KCTD16: variants seen among roughly 807,000 people sequenced by gnomAD.
KCTD16 encodes the protein BTB/POZ domain-containing protein KCTD16.
A neutral mutation model predicts 33.2 loss-of-function variants in KCTD16; 13 were observed. That is an observed-to-expected ratio of 0.39 (90% CI 0.25 to 0.62). The LOEUF (loss-of-function observed/expected upper bound fraction) is 0.62, where lower values mean the gene tolerates loss of function less well. KCTD16 is among the 20% of genes least tolerant of loss of function. The pLI, the probability that KCTD16 is intolerant of heterozygous loss-of-function variation, is 0.50. For missense variants in KCTD16, 441 were observed against 525.1 expected (o/e 0.84, Z 1.57); for synonymous variants, 197 against 195.3 (o/e 1.01, Z -0.07).
intron 3 of KCTD16, among the ~76,000 whole-genome samples, chr5:144,288,424 T>C (rs546105586): frequency 3.3e-5 from 5 of 152,206 alleles, no homozygotes; most frequent in Non-Finnish European, 7.4e-5. Flanking sequence ...CTGGGGAGCA[T>C]TGGACAAATG....
At position 144,474,864 on chromosome 5, in the gene KCTD16, G is replaced by C. The variant is rs1754561023; in HGVS notation, c.*750G>C. ...AAATGACTCTCATCATCAACAAATTGTATTCCTTATTGTGAAATTAATACC... is the reference window on the plus strand; with the variant it reads ...AAATGACTCTCATCATCAACAAATTCTATTCCTTATTGTGAAATTAATACC... On this transcript the variant is annotated 3_prime_UTR_variant, in exon 4 of 4. Transcript: ENST00000512467. 3 of 152,104 alleles carry C rather than the reference G, an allele frequency of 2.0e-5. No homozygotes were observed. In the South Asian group the frequency reaches 6.2e-4, roughly 32 times the overall value. 9.4% of individuals were successfully genotyped at this position (152,104 alleles called of 1,614,324 possible). A position where few individuals can be genotyped will look rare whatever the true frequency, so the allele number is the denominator to read the frequency against.
intron 3 of KCTD16, among the ~76,000 whole-genome samples, chr5:144,340,389 G>A (rs760251305): frequency 4.4e-4 from 58 of 132,806 alleles, no homozygotes; most frequent in Non-Finnish European, 7.5e-4. Context: ...GTGACAGAGC[G>A]AGACTCCATC....
In KCTD16 at chr5:144,299,072, A is replaced by ATATATATATATATATATATT. The variant is rs1491103244; in HGVS notation, c.832+91527_832+91528insATATATATATATATATATTT. ...TATATATATATATATATATATATAT[A>ATATATATATATATATATATT]TTTTTGTATATATATATCACTATGT... On this transcript the variant is annotated intron_variant, in intron 3 of 3. Transcript: ENST00000512467. Among the ~76,000 whole-genome samples, 28 of 57,434 alleles carry ATATATATATATATATATATT rather than the reference A, an allele frequency of 4.9e-4. 2 individuals carry two copies. The highest frequency in any genetic ancestry group is 8.7e-4 in the Non-Finnish European group (26 of 29,816). The allele number at this position is 57,434 out of a possible 152,430, so 37.7% of individuals were successfully genotyped here.
chr5:144,240,741 T>G (rs559124431), intron 3 of KCTD16, among the ~76,000 whole-genome samples: 1 of 152,234 alleles, frequency 6.6e-6, no homozygotes, highest in Non-Finnish European at 1.5e-5. Context: ...TTCTGAAGAC[T>G]ATTGGTTAGT....
At chr5:144,415,073 A>G (rs1753016122) in intron 3 of KCTD16, among the ~76,000 whole-genome samples, 1 of 152,160 alleles carries the variant, frequency 6.6e-6, no homozygotes, top group Non-Finnish European at 1.5e-5. Flanking sequence ...TGGGAAGTCC[A>G]AGAGCAAAGG....
chr5:144,294,846 A>G (rs1352418102), intron 3 of KCTD16, among the ~76,000 whole-genome samples: 1 of 152,146 alleles, frequency 6.6e-6, no homozygotes, highest in Admixed American at 6.5e-5. Flanking sequence ...ATGGAAGTGA[A>G]TTTAGGTGAC....
At chr5:144,202,067 A>G (rs932165625) in intron 2 of KCTD16, among the ~76,000 whole-genome samples, 1 of 152,214 alleles carries the variant, frequency 6.6e-6, no homozygotes, top group South Asian at 2.1e-4. Flanking sequence ...CAATTTCACA[A>G]TTTACCTAAC....
At chr5:144,179,380 C>T (rs1752571849) in intron 2 of KCTD16, among the ~76,000 whole-genome samples, 1 of 152,210 alleles carries the variant, frequency 6.6e-6, no homozygotes. Context: ...CAGGAGGCAA[C>T]TCATCCTCTA....
At chr5:144,376,536 T>C (rs1752097662) in intron 3 of KCTD16, among the ~76,000 whole-genome samples, 1 of 152,088 alleles carries the variant, frequency 6.6e-6, no homozygotes, top group Admixed American at 6.6e-5. Flanking sequence ...AATAATTTGA[T>C]GATGGAGGAG....
intron 3 of KCTD16, among the ~76,000 whole-genome samples, chr5:144,322,617 A>G (rs1382669352): frequency 6.6e-6 from 1 of 152,070 alleles, no homozygotes; most frequent in Non-Finnish European, 1.5e-5. Flanking sequence ...GACATCACCT[A>G]ATACTGTTTT....
At chr5:144,310,613 T>C (rs1274473559) in intron 3 of KCTD16, among the ~76,000 whole-genome samples, 1 of 151,728 alleles carries the variant, frequency 6.6e-6, no homozygotes, top group East Asian at 1.9e-4. Flanking sequence ...TATTTTTTGA[T>C]CAATAATATT....
intron 3 of KCTD16, among the ~76,000 whole-genome samples, chr5:144,383,691 A>G (rs1053250062): frequency 2.0e-4 from 30 of 152,066 alleles, no homozygotes; most frequent in African/African-American, 6.8e-4. Flanking sequence ...GTGTTTGCAA[A>G]GCAAATGGTG....
chr5:144,429,701 C>G (rs758434803), intron 3 of KCTD16, among the ~76,000 whole-genome samples: 1 of 151,966 alleles, frequency 6.6e-6, no homozygotes, highest in Non-Finnish European at 1.5e-5. Flanking sequence ...AGAAAAGAAG[C>G]TATTACTAGA....
chr5:144,409,406 T>G (rs1320994960), intron 3 of KCTD16, among the ~76,000 whole-genome samples: 2 of 152,210 alleles, frequency 1.3e-5, no homozygotes, highest in Admixed American at 1.3e-4. Context: ...TGACTGAACC[T>G]TTGACATAAT....
At chr5:144,191,679 A>G (rs1752844703) in intron 2 of KCTD16, among the ~76,000 whole-genome samples, 1 of 152,066 alleles carries the variant, frequency 6.6e-6, no homozygotes, top group Non-Finnish European at 1.5e-5. Flanking sequence ...GGGGGTGTTT[A>G]CCAGCTTTTG....
intron 3 of KCTD16, among the ~76,000 whole-genome samples, chr5:144,417,953 T>C (rs1753109776): frequency 6.6e-6 from 1 of 152,148 alleles, no homozygotes; most frequent in African/African-American, 2.4e-5. Flanking sequence ...AGATGGTGTG[T>C]CCGGAGTTTG....
intron 3 of KCTD16, among the ~76,000 whole-genome samples, chr5:144,405,241 G>A (rs1260314625): frequency 6.6e-6 from 1 of 152,110 alleles, no homozygotes; most frequent in African/African-American, 2.4e-5. Context: ...AACCCATTTT[G>A]CTTTGTTACT....
intron 3 of KCTD16, among the ~76,000 whole-genome samples, chr5:144,468,424 G>A (rs1283475551): frequency 3.3e-5 from 5 of 152,094 alleles, no homozygotes; most frequent in East Asian, 1.9e-4. Flanking sequence ...GTTCTTGCCC[G>A]TACTAACCAT....
At chr5:144,245,085 T>C (rs953634990) in intron 3 of KCTD16, among the ~76,000 whole-genome samples, 2 of 152,214 alleles carry the variant, frequency 1.3e-5, no homozygotes, top group African/African-American at 4.8e-5. Flanking sequence ...GTTTATTCCA[T>C]TGTACATTTA....
Sources: gnomAD v4.1 joint callset for allele counts (sites outside exome capture counted in the v4.1 genomes callset) on GRCh38, gnomAD v4.1.1 for gene constraint, MANE v1.5 for transcripts, NCBI Gene and HGNC (gene_info 2026-07-23, HGNC 2026-07-21) for gene names.